The following ZNF736 variants were observed in gnomAD, a reference collection of about 807,000 sequenced individuals.
ZNF736 encodes the protein KRAB-containing zinc-finger repressor protein.
A neutral mutation model predicts 11.7 loss-of-function variants in ZNF736; 6 were observed. That is an observed-to-expected ratio of 0.51 (90% CI 0.28 to 1.01). The LOEUF (loss-of-function observed/expected upper bound fraction) is 1.01, where lower values mean the gene tolerates loss of function less well. ZNF736 is among the 50% of genes least tolerant of loss of function. The pLI is 0.09. For synonymous variants in ZNF736, 139 were observed against 164.7 expected (o/e 0.84, Z 1.19); for missense variants, 444 against 496.0 (o/e 0.90, Z 1.00).
chr7:64,327,174 G>T (rs1348193978), intron 1 of ZNF736, among the ~76,000 whole-genome samples: 1 of 152,094 alleles, frequency 6.6e-6, no homozygotes, highest in Non-Finnish European at 1.5e-5. Flanking sequence ...TCTCTCTTTA[G>T]CTCTAATATT....
At chr7:64,326,263 C>G (rs1472707821) in intron 1 of ZNF736, among the ~76,000 whole-genome samples, 1 of 152,202 alleles carries the variant, frequency 6.6e-6, no homozygotes, top group Non-Finnish European at 1.5e-5. Context: ...AGAGGCTTTT[C>G]TCTCTTTGGC....
At position 64,348,521 on chromosome 7, in the gene ZNF736, A is replaced by C; in HGVS notation, c.658A>C (p.Lys220Gln). 1.3e-6 allele frequency: 2 copies of C among 1,577,846 alleles called. No homozygotes were observed. The highest frequency in any genetic ancestry group is 1.7e-6 in the Non-Finnish European group (2 of 1,161,804). The change falls in exon 4 of 4, where the codon AAG becomes CAG. Residue 220 changes from lysine (K) to glutamine (Q), a missense_variant. Coordinates refer to ENST00000423484, the MANE Select transcript of ZNF736 (RefSeq NM_001170905.3). ...FKKFSNLTEH[K>Q]RVHTGEKPYK... Reference sequence around the variant, plus strand: ...AAAGTTTTCAAACCTTACTGAACATAAGAGAGTTCATACTGGAGAGAAACC... The same window carrying C: ...AAAGTTTTCAAACCTTACTGAACATCAGAGAGTTCATACTGGAGAGAAACC...
At chr7:64,338,178 A>G (rs1041142147) in intron 3 of ZNF736, among the ~76,000 whole-genome samples, 1 of 152,216 alleles carries the variant, frequency 6.6e-6, no homozygotes, top group African/African-American at 2.4e-5. Flanking sequence ...ACACATTTAT[A>G]TACGCATGTG....
intron 3 of ZNF736, among the ~76,000 whole-genome samples, chr7:64,347,169 T>C (rs2115966630): frequency 6.6e-6 from 1 of 151,718 alleles, no homozygotes; most frequent in East Asian, 1.9e-4. Flanking sequence ...GCCTGTTCTA[T>C]GGATGTTTTC....
In ZNF736 at chr7:64,353,955, C is replaced by T. The variant is rs1562679558; in HGVS notation, c.*4808C>T. On this transcript the variant is annotated 3_prime_UTR_variant, in exon 4 of 4. Transcript: ENST00000423484. ...ATTTTACATTGAATGTGTATCTTGCCACTGATGTTAACTTATCCCATCTTA... is the reference window on the plus strand; with the variant it reads ...ATTTTACATTGAATGTGTATCTTGCTACTGATGTTAACTTATCCCATCTTA... The T allele has an allele frequency of 6.6e-6, 1 of 152,108 alleles. No individual in the cohort carries two copies. Among genetic ancestry groups the T allele is most frequent in the Non-Finnish European group, 1.5e-5 (1 of 68,014 alleles). The allele number at this position is 152,108 out of a possible 1,614,324, so 9.4% of individuals were successfully genotyped here. A position where few individuals can be genotyped will look rare whatever the true frequency, so the allele number is the denominator to read the frequency against.
At chr7:64,337,732 T>TTTGG (rs1789274018) in intron 3 of ZNF736, among the ~76,000 whole-genome samples, 1 of 125,458 alleles carries the variant, frequency 8.0e-6, no homozygotes, top group South Asian at 2.5e-4. Flanking sequence ...ATTTTTTTTG[T>TTTGG]TTTGTTTTGT....
chr7:64,318,670 TTCTTAAA>T (rs567988035), intron 1 of ZNF736, among the ~76,000 whole-genome samples: 18 of 152,176 alleles, frequency 1.2e-4, no homozygotes, highest in Non-Finnish European at 2.5e-4. Context: ...AATTCACATA[TTCTTAAA>T]AATATTGGGC....
At chr7:64,336,474 G>A (rs1789252455) in intron 2 of ZNF736, 89 bp downstream of exon 2, 6 of 1,370,178 alleles carry the variant, frequency 4.4e-6, no homozygotes, top group Non-Finnish European at 5.8e-6. Context: ...TTGCATAAAT[G>A]AGTTTCAGAA....
chr7:64,333,388 A>G (rs2115920005), intron 1 of ZNF736, among the ~76,000 whole-genome samples: 1 of 152,324 alleles, frequency 6.6e-6, no homozygotes, highest in Admixed American at 6.5e-5. Flanking sequence ...CTGCAACATT[A>G]CAAATGTTTC....
intron 1 of ZNF736, among the ~76,000 whole-genome samples, chr7:64,328,191 T>A (rs1562669457): frequency 6.6e-6 from 1 of 152,134 alleles, no homozygotes; most frequent in Non-Finnish European, 1.5e-5. Context: ...GCCTTTAGCA[T>A]TTTTTGTGGG....
intron 2 of ZNF736, 34 bp downstream of exon 2, chr7:64,336,419 A>G (rs762754163): frequency 6.6e-7 from 1 of 1,524,374 alleles, no homozygotes; most frequent in South Asian, 1.3e-5. Flanking sequence ...CTCATATTCT[A>G]CATTAAATAT....
intron 1 of ZNF736, among the ~76,000 whole-genome samples, chr7:64,323,079 T>A (rs1789024257): frequency 6.6e-6 from 1 of 152,206 alleles, no homozygotes; most frequent in Admixed American, 6.5e-5. Flanking sequence ...ACAGTTTTGC[T>A]CTGCTTTTCT....
At chr7:64,340,922 CTG>C (rs1789328002) in intron 3 of ZNF736, among the ~76,000 whole-genome samples, 1 of 152,090 alleles carries the variant, frequency 6.6e-6, no homozygotes, top group South Asian at 2.1e-4. Flanking sequence ...AATAACCTCT[CTG>C]TGACTTTTCT....
rs1789457716 is a variant in ZNF736, at chr7:64,349,485, T to A, written c.*338T>A. 5.2e-6 allele frequency: 1 copy of A among 193,154 alleles called. No individual in the cohort carries two copies. The allele number at this position is 193,154 out of a possible 1,614,324, so 12.0% of individuals were successfully genotyped here. The stretch of plus-strand genomic sequence containing the variant: ...GCTTATTTGAGATGGGTGTCTTGAT[T>A]AAAGCATACCATTAGATCTTGATTC... On this transcript the variant is annotated 3_prime_UTR_variant, in exon 4 of 4. Coordinates refer to ENST00000423484, the MANE Select transcript of ZNF736 (RefSeq NM_001170905.3).
At chr7:64,324,314 G>T (rs1789051574) in intron 1 of ZNF736, among the ~76,000 whole-genome samples, 1 of 152,128 alleles carries the variant, frequency 6.6e-6, no homozygotes, top group African/African-American at 2.4e-5. Flanking sequence ...GCGTGCCTGT[G>T]AATCACTCAG....
At chr7:64,323,143 C>A (rs192780676) in intron 1 of ZNF736, among the ~76,000 whole-genome samples, 56 of 152,298 alleles carry the variant, frequency 3.7e-4, no homozygotes, top group African/African-American at 1.3e-3. Context: ...TAACCAATTA[C>A]AGCTGTGACA....
At chr7:64,317,882 CG>C (rs1159088021) in intron 1 of ZNF736, among the ~76,000 whole-genome samples, 2 of 151,750 alleles carry the variant, frequency 1.3e-5, no homozygotes, top group African/African-American at 4.8e-5. Context: ...GCAAAATTGC[CG>C]TTTCTTTAAG....
chr7:64,330,181 G>A (rs1356047547), intron 1 of ZNF736, among the ~76,000 whole-genome samples: 2 of 151,918 alleles, frequency 1.3e-5, no homozygotes, highest in African/African-American at 4.8e-5. Context: ...TTTTGAGACG[G>A]AGTCTCGCTC....
At chr7:64,346,216 G>T (rs1789407819) in intron 3 of ZNF736, among the ~76,000 whole-genome samples, 1 of 152,000 alleles carries the variant, frequency 6.6e-6, no homozygotes, top group Admixed American at 6.5e-5. Flanking sequence ...TGTGAATTTT[G>T]ACTTAAAGTA....
Sources: gnomAD v4.1 joint callset for allele counts (sites outside exome capture counted in the v4.1 genomes callset) on GRCh38, gnomAD v4.1.1 for gene constraint, MANE v1.5 for transcripts, NCBI Gene and HGNC (gene_info 2026-07-23, HGNC 2026-07-21) for gene names.